Variants in EMP2 observed in about 807,000 individuals in gnomAD.
EMP2 encodes the protein epithelial membrane protein 2.
EMP2 carries 19 observed loss-of-function variants against 13.7 expected under a neutral mutation model. The observed-to-expected ratio is 1.38, with a 90% CI of 0.97 to 2.03. The LOEUF (loss-of-function observed/expected upper bound fraction) is 2.03, where lower values mean the gene tolerates loss of function less well. EMP2 is among the 30% of genes most tolerant of loss of function. The pLI, the probability that EMP2 is intolerant of heterozygous loss-of-function variation, is 0.00. For missense variants in EMP2, 253 were observed against 220.7 expected, an observed-to-expected ratio of 1.15 and a Z score of -0.93; for synonymous variants, 97 against 84.7, an observed-to-expected ratio of 1.15 and a Z score of -0.80.
chr16:10,542,426 CA>C lies in EMP2; in HGVS notation c.169+1143del, dbSNP rs1388325832. On this transcript the variant is annotated intron_variant, in intron 3 of 4. Transcript: ENST00000359543. The stretch of plus-strand genomic sequence containing the variant: ...AACAAACAAACAAACAAACAAAAAC[CA>C]AAAAACTAAACCCTCCCCCCCCACC... Among the ~76,000 whole-genome samples, 3 of 124,244 alleles carry C rather than the reference CA, an allele frequency of 2.4e-5. No individual in the cohort carries two copies. In the Admixed American group the frequency reaches 2.7e-4, roughly 11 times the overall value. 81.5% of individuals were successfully genotyped at this position (124,244 alleles called of 152,430 possible).
rs1466017773 is a variant in EMP2, at chr16:10,580,043, C to T, written c.-61+506G>A. On this transcript the variant is annotated intron_variant, in intron 1 of 4. Coordinates refer to ENST00000359543, the MANE Select transcript of EMP2 (RefSeq NM_001424.6). The surrounding 1 kb of genome is among the most constrained non-coding windows in gnomAD (Gnocchi z 4.3). The stretch of plus-strand genomic sequence containing the variant: ...CAGCAGCGCCTCCCGGCTCCTCCAC[C>T]GTTCCTGACCCCCAAGAAGTCGCTC... Among the ~76,000 whole-genome samples, 4 of 152,230 alleles carry T rather than the reference C, an allele frequency of 2.6e-5. No homozygotes were observed. Among genetic ancestry groups the T allele is most frequent in the Non-Finnish European group, 5.9e-5 (4 of 68,038 alleles).
chr16:10,568,848 G>A (rs1388048876), intron 1 of EMP2, among the ~76,000 whole-genome samples: 3 of 142,622 alleles, frequency 2.1e-5, no homozygotes, highest in African/African-American at 7.8e-5. Context: ...GTACAGTGGC[G>A]CAATGTCGGC....
chr16:10,545,537 T>A (rs1386077914), intron 2 of EMP2: 2 of 152,744 alleles, frequency 1.3e-5, no homozygotes, highest in East Asian at 3.8e-4. Context: ...CCTTGTGAAC[T>A]GTGCATGCCA....
chr16:10,569,842 C>G (rs1484932724), intron 1 of EMP2, among the ~76,000 whole-genome samples: 4 of 152,108 alleles, frequency 2.6e-5, no homozygotes, highest in African/African-American at 9.7e-5. Flanking sequence ...AGAATGTGAC[C>G]CCATGTCACA....
intron 1 of EMP2, among the ~76,000 whole-genome samples, chr16:10,570,849 G>A (rs1477087640): frequency 6.6e-6 from 1 of 152,062 alleles, no homozygotes; most frequent in African/African-American, 2.4e-5. Context: ...CCTGGTATGA[G>A]TCTTAAAGGT....
At chr16:10,533,205 A>T (rs2050621713) in intron 4 of EMP2, 113 bp from the exon 5 acceptor site, 1 of 1,064,058 alleles carries the variant, frequency 9.4e-7, no homozygotes. Context: ...TTCTTTGTTT[A>T]TTATTATTTT....
At chr16:10,573,929 C>CAT in intron 1 of EMP2, among the ~76,000 whole-genome samples, 1 of 138,266 alleles carries the variant, frequency 7.2e-6, no homozygotes, top group South Asian at 2.5e-4. Flanking sequence ...AATGGATAAA[C>CAT]CTTTTTTTTT....
At chr16:10,572,665 T>C (rs1339806118) in intron 1 of EMP2, among the ~76,000 whole-genome samples, 1 of 152,142 alleles carries the variant, frequency 6.6e-6, no homozygotes, top group Non-Finnish European at 1.5e-5. Context: ...ATCTCCAGAA[T>C]AAATGTCACA....
intron 4 of EMP2, among the ~76,000 whole-genome samples, chr16:10,534,496 T>G (rs567946990): frequency 1.3e-5 from 2 of 152,310 alleles, no homozygotes; most frequent in East Asian, 1.9e-4. Context: ...CTGGGTGCGT[T>G]GGATCATGCC....
intron 1 of EMP2, among the ~76,000 whole-genome samples, chr16:10,571,744 G>C (rs557927862): frequency 1.9e-4 from 29 of 152,356 alleles, no homozygotes; most frequent in African/African-American, 6.7e-4. Flanking sequence ...CAGCGGTCTG[G>C]ACCAAGATAG....
intron 1 of EMP2, among the ~76,000 whole-genome samples, chr16:10,575,592 A>T (rs752786929): frequency 6.6e-6 from 1 of 151,980 alleles, no homozygotes; most frequent in African/African-American, 2.4e-5. Flanking sequence ...ACCTCCTCTG[A>T]AGACAGGAAA....
At chr16:10,548,943 C>G (rs559165807) in intron 1 of EMP2, among the ~76,000 whole-genome samples, 1 of 152,236 alleles carries the variant, frequency 6.6e-6, no homozygotes, top group South Asian at 2.1e-4. Flanking sequence ...CATTTCCAGG[C>G]TGATGAAGAG....
At chr16:10,561,478 G>A (rs953418917) in intron 1 of EMP2, among the ~76,000 whole-genome samples, 1 of 152,124 alleles carries the variant, frequency 6.6e-6, no homozygotes, top group Non-Finnish European at 1.5e-5. Context: ...GAAGGAGACG[G>A]AGGAGTGGGC....
At chr16:10,564,490 C>CA (rs34683301) in intron 1 of EMP2, among the ~76,000 whole-genome samples, 21,083 of 70,582 alleles carry the variant, frequency 0.3, 3,346 homozygotes, top group Non-Finnish European at 0.42. Flanking sequence ...GACTCTGTCT[C>CA]AAAAAAAAAA....
At chr16:10,550,204 C>T (rs974254800) in intron 1 of EMP2, among the ~76,000 whole-genome samples, 3 of 152,046 alleles carry the variant, frequency 2.0e-5, no homozygotes, top group African/African-American at 7.2e-5. Flanking sequence ...TCTTACATAA[C>T]CACACTATGA....
At chr16:10,562,372 CTCTCTCTCTATCTA>C (rs1448391566) in intron 1 of EMP2, among the ~76,000 whole-genome samples, 8 of 132,658 alleles carry the variant, frequency 6.0e-5, no homozygotes, top group Admixed American at 1.5e-4. Flanking sequence ...CTCTCTCTCT[CTCTCTCTCTATCTA>C]TCTCTCTCTC....
intron 1 of EMP2, among the ~76,000 whole-genome samples, chr16:10,570,368 G>C (rs548379924): frequency 6.6e-6 from 1 of 151,974 alleles, no homozygotes; most frequent in Non-Finnish European, 1.5e-5. Flanking sequence ...TAGGACGACA[G>C]GTGCACACCA....
intron 1 of EMP2, among the ~76,000 whole-genome samples, chr16:10,567,801 G>A (rs1476698502): frequency 6.6e-6 from 1 of 152,208 alleles, no homozygotes; most frequent in African/African-American, 2.4e-5. Context: ...CCCGCTGTGA[G>A]CAGCATGAAA....
intron 3 of EMP2, among the ~76,000 whole-genome samples, chr16:10,542,445 C>CCCCCA (rs1555459043): frequency 4.0e-5 from 6 of 150,730 alleles, no homozygotes; most frequent in Non-Finnish European, 8.8e-5. Flanking sequence ...AAACCCTCCC[C>CCCCCA]CCCCACCAAC....
Sources: gnomAD v4.1 joint callset for allele counts (sites outside exome capture counted in the v4.1 genomes callset) on GRCh38, gnomAD v4.1.1 for gene constraint, Gnocchi (gnomAD v3.1) non-coding constraint, MANE v1.5 for transcripts, NCBI Gene and HGNC (gene_info 2026-07-23, HGNC 2026-07-21) for gene names.